ERVW-1: variants seen among roughly 807,000 people sequenced by gnomAD.
ERVW-1 encodes the protein endogenous retrovirus group W member 1, envelope.
A neutral mutation model predicts 16.6 loss-of-function variants in ERVW-1; 21 were observed. The observed-to-expected ratio is 1.26, with a 90% CI of 0.90 to 1.82. ERVW-1 has a LOEUF of 1.82. ERVW-1 is among the 40% of genes most tolerant of loss of function. ERVW-1 has a pLI of 0.00. For synonymous variants in ERVW-1, 161 were observed against 109.8 expected, an observed-to-expected ratio of 1.47 and a Z score of -2.92; for missense variants, 412 against 300.2, an observed-to-expected ratio of 1.37 and a Z score of -2.75.
At chr7:92,475,213 G>GT in intron 1 of ERVW-1, 1 of 152,264 alleles carries the variant, frequency 6.6e-6, no homozygotes, top group East Asian at 1.9e-4. Flanking sequence ...AAGAATATAA[G>GT]TCGTTTCTTT....
chr7:92,476,642 ACTGTCTCTCTCTCCTCT>A (rs888894612), intron 1 of ERVW-1, among the ~76,000 whole-genome samples: 4 of 146,242 alleles, frequency 2.7e-5, no homozygotes, highest in African/African-American at 1.0e-4. Context: ...TGTCTCTCTC[ACTGTCTCTCTCTCCTCT>A]CTGTCTCTCT....
In ERVW-1 at chr7:92,469,199, C is replaced by A. The variant is rs1263805372; in HGVS notation, c.1183G>T (p.Gly395Ter). 1 of 741,966 alleles carries A rather than the reference C, an allele frequency of 1.3e-6. No homozygotes were observed. The highest frequency in any genetic ancestry group is 2.5e-6 in the Non-Finnish European group (1 of 406,364). 46.0% of individuals were successfully genotyped at this position (741,966 alleles called of 1,614,324 possible). ...TCTTCCCCTAAAAATAAACAGGTTC[C>A]CCCTCTTTCAGCGGTTAGCAAGTCT... ...ALDLLTAERGGTCLFLGEECC... is the reference protein window; with the variant it reads ...ALDLLTAERG Residue 395 changes from glycine to a stop codon, truncating the protein, a stop_gained, in exon 2 of 2, where the codon GGA (glycine) becomes TGA (stop). Transcript: ENST00000603053. LOFTEE classifies it high-confidence loss of function.
At chr7:92,473,318 G>T (rs1790419044) in intron 1 of ERVW-1, 1 of 152,158 alleles carries the variant, frequency 6.6e-6, no homozygotes, top group South Asian at 2.1e-4. Context: ...TACTGCAGGG[G>T]TTACTGCATG....
Position 92,470,558 on chromosome 7 carries a change from C to T in ERVW-1, c.-177G>A. The T allele has an allele frequency of 1.9e-6, 1 of 538,294 alleles. No homozygotes were observed. The highest frequency in any genetic ancestry group is 3.3e-6 in the Non-Finnish European group (1 of 302,588). The allele number at this position is 538,294 out of a possible 1,614,324, so 33.3% of individuals were successfully genotyped here. On this transcript the variant is annotated 5_prime_UTR_variant, in exon 2 of 2. Coordinates refer to ENST00000603053, the MANE Select transcript of ERVW-1 (RefSeq NM_001130925.2). ...CAAGACTCCACTCCAGCCACTTTAA[C>T]CGCAGTTGGGGTAGATAAAATGACT...
intron 1 of ERVW-1, chr7:92,470,927 TC>T (rs1298681244): frequency 6.0e-6 from 1 of 167,374 alleles, no homozygotes; most frequent in Non-Finnish European, 1.5e-5. Context: ...TTTTTAGATG[TC>T]CTTTGAGTGT....
intron 1 of ERVW-1, chr7:92,473,101 A>C (rs1790410476): frequency 5.3e-5 from 8 of 152,210 alleles, no homozygotes; most frequent in Admixed American, 5.2e-4. Flanking sequence ...GCAAACAAGA[A>C]TTGAGAGTCA....
In ERVW-1 at chr7:92,469,879, A is replaced by C. The variant is rs554021705; in HGVS notation, c.503T>G (p.Phe168Cys). 1 of 778,178 alleles carries C rather than the reference A, an allele frequency of 1.3e-6. No individual in the cohort carries two copies. Among genetic ancestry groups the C allele is most frequent in the South Asian group, 1.3e-5 (1 of 74,520 alleles). The allele number at this position is 778,178 out of a possible 1,614,324, so 48.2% of individuals were successfully genotyped here. A position where few individuals can be genotyped will look rare whatever the true frequency, so the allele number is the denominator to read the frequency against. ...ATGGAGCCCAGTGAGGGTGGTATTAAATAGGCTTACCAGGCGAGTATGGGT... is the reference window on the plus strand; with the variant it reads ...ATGGAGCCCAGTGAGGGTGGTATTACATAGGCTTACCAGGCGAGTATGGGT... The part of the protein sequence containing the change: ...LRTHTRLVSL[F>C]NTTLTGLHEV... The change falls in exon 2 of 2, where the codon TTT (phenylalanine) becomes TGT (cysteine). Residue 168 changes from phenylalanine to cysteine, a missense_variant. By Grantham distance (205) the Phe-to-Cys change is radical (BLOSUM62 -2). Transcript: ENST00000603053.
In ERVW-1 at chr7:92,470,276, C is replaced by A. The variant is rs1309387078; in HGVS notation, c.106G>T (p.Glu36Ter). The change falls in exon 2 of 2, where the codon GAG becomes TAG. Residue 36 changes from glutamate to a stop codon, truncating the protein, a stop_gained. Transcript: ENST00000603053. LOFTEE classifies it high-confidence loss of function. Reference protein sequence around the residue: ...RCMTSSSPYQEFLWRMQRPGN... With the variant: ...RCMTSSSPYQ ...GGACGCTGCATTCTCCATAGAAACT[C>A]TTGGTAAGGGGAGCTACTGGTCATA... The A allele has an allele frequency of 3.9e-6, 3 of 778,436 alleles. No individual in the cohort carries two copies. The highest frequency in any genetic ancestry group is 4.8e-6 in the Non-Finnish European group (2 of 417,892). 48.2% of individuals were successfully genotyped at this position (778,436 alleles called of 1,614,324 possible). A position where few individuals can be genotyped will look rare whatever the true frequency, so the allele number is the denominator to read the frequency against.
In ERVW-1 at chr7:92,469,567, C is replaced by T. The variant is rs1361130734; in HGVS notation, c.815G>A (p.Cys272Tyr). 2 of 764,784 alleles carry T rather than the reference C, an allele frequency of 2.6e-6. No individual in the cohort carries two copies. The highest frequency in any genetic ancestry group is 4.8e-6 in the Non-Finnish European group (2 of 417,812). 47.4% of individuals were successfully genotyped at this position (764,784 alleles called of 1,614,324 possible). ...CAAACAACGATAGGCTGAGGTACCACAGACAAAAAATATTCCTGAGGGTAG... is the reference window on the plus strand; with the variant it reads ...CAAACAACGATAGGCTGAGGTACCATAGACAAAAAATATTCCTGAGGGTAG... ...VCLPSGIFFV[C>Y]GTSAYRCLNG... The change falls in exon 2 of 2, where the codon TGT becomes TAT. Residue 272 changes from cysteine (C) to tyrosine (Y), a missense_variant. By Grantham distance (194) the Cys-to-Tyr change is radical. Coordinates refer to ENST00000603053, the MANE Select transcript of ERVW-1 (RefSeq NM_001130925.2).
At chr7:92,475,448 G>A (rs567430324) in intron 1 of ERVW-1, 1 of 152,310 alleles carries the variant, frequency 6.6e-6, no homozygotes, top group African/African-American at 2.4e-5. Flanking sequence ...AATTAGTTAT[G>A]CTCACTGATG....
rs1439212024 is a variant in ERVW-1, at chr7:92,468,511, T to G, written c.*254A>C. ...ATATCCCGATCATTGTCCCTCCTGC[T>G]GTGCTCTCAGGCAATAGATGATTGG... On this transcript the variant is annotated 3_prime_UTR_variant, in exon 2 of 2. Transcript: ENST00000603053. The G allele has an allele frequency of 8.9e-6, 3 of 336,320 alleles. No individual in the cohort carries two copies. Among genetic ancestry groups the G allele is most frequent in the Non-Finnish European group, 1.6e-5 (3 of 185,878 alleles). 20.8% of individuals were successfully genotyped at this position (336,320 alleles called of 1,614,324 possible).
At chr7:92,474,927 T>A (rs1206788159) in intron 1 of ERVW-1, 1 of 152,154 alleles carries the variant, frequency 6.6e-6, no homozygotes, top group Admixed American at 6.5e-5. Flanking sequence ...GTTCACTGTT[T>A]ACCCTTTTGT....
At position 92,469,712 on chromosome 7, in the gene ERVW-1, CAAG is replaced by C. The variant is rs1186433213; in HGVS notation, c.667_669del (p.Leu223del). 6 of 764,054 alleles carry C rather than the reference CAAG, an allele frequency of 7.9e-6. No individual in the cohort carries two copies. In the East Asian group the frequency reaches 1.5e-4, roughly 19 times the overall value. 47.3% of individuals were successfully genotyped at this position (764,054 alleles called of 1,614,324 possible). On this transcript the variant is annotated inframe_deletion, in exon 2 of 2. Transcript: ENST00000603053. ...GTATGGGTTATTTCCAGATTGGAAA[CAAG>C]AGGTCCTACTAAAACGGAAGTGGTG...
intron 1 of ERVW-1, among the ~76,000 whole-genome samples, 170 bp downstream of exon 1, chr7:92,477,212 A>G (rs1393099141): frequency 1.3e-5 from 2 of 152,154 alleles, no homozygotes; most frequent in Admixed American, 1.3e-4. Context: ...CCAACCCAGA[A>G]GGGTTGGGGG....
At chr7:92,474,174 C>T (rs1009742024) in intron 1 of ERVW-1, among the ~76,000 whole-genome samples, 9 of 151,916 alleles carry the variant, frequency 5.9e-5, no homozygotes, top group Non-Finnish European at 1.3e-4. Context: ...TGTCCTGTTC[C>T]GCCTGCTCCT....
intron 1 of ERVW-1, among the ~76,000 whole-genome samples, chr7:92,473,340 C>G (rs537729727): frequency 6.6e-6 from 1 of 152,170 alleles, no homozygotes; most frequent in East Asian, 1.9e-4. Flanking sequence ...TTTTACTAGG[C>G]CTTGGGCTTT....
intron 1 of ERVW-1, chr7:92,474,857 C>T (rs1188414465): frequency 1.3e-5 from 2 of 152,080 alleles, no homozygotes; most frequent in African/African-American, 4.8e-5. Context: ...CTGGCTGGGC[C>T]GAATTCTCTT....
intron 1 of ERVW-1, 68 bp from the exon 2 acceptor site, chr7:92,470,676 T>C: frequency 3.7e-6 from 1 of 268,440 alleles, no homozygotes; most frequent in Non-Finnish European, 7.5e-6. Flanking sequence ...ATAGTTCTTT[T>C]CCCTCTTCTC....
rs769611841 is a variant in ERVW-1 at position 92,468,881 on chromosome 7, G to A, written c.1501C>T (p.Pro501Ser). The change falls in exon 2 of 2, where the codon CCC becomes TCC. Residue 501 changes from proline (P) to serine (S), a missense_variant. By Grantham distance (74) the Pro-to-Ser change is moderately conservative (BLOSUM62 -1). Coordinates refer to ENST00000603053, the MANE Select transcript of ERVW-1 (RefSeq NM_001130925.2). ...MQSKTKIYRR[P>S]LDRPASPRSD... The stretch of plus-strand genomic sequence containing the variant: ...CGTGGGCTAGCAGGCCGGTCCAGGG[G>A]TCTGCGGTAGATCTTAGTCTTGGAC... 20 of 764,246 alleles carry A rather than the reference G, an allele frequency of 2.6e-5. No individual in the cohort carries two copies. The highest frequency in any genetic ancestry group is 4.5e-5 in the Non-Finnish European group (19 of 417,884). 47.3% of individuals were successfully genotyped at this position (764,246 alleles called of 1,614,324 possible). A position where few individuals can be genotyped will look rare whatever the true frequency, so the allele number is the denominator to read the frequency against.
Sources: gnomAD v4.1 joint callset for allele counts (sites outside exome capture counted in the v4.1 genomes callset) on GRCh38, gnomAD v4.1.1 for gene constraint, MANE v1.5 for transcripts, NCBI Gene and HGNC (gene_info 2026-07-23, HGNC 2026-07-21) for gene names.